The following EPSTI1 variants were observed in gnomAD, a reference collection of about 807,000 sequenced individuals.
The protein encoded by EPSTI1 is epithelial stromal interaction 1.
Under a neutral mutation model 49.9 loss-of-function variants are expected in EPSTI1, and 66 were observed. The observed-to-expected ratio is 1.32, with a 90% CI of 1.08 to 1.62. The LOEUF (loss-of-function observed/expected upper bound fraction) is 1.62, where lower values mean the gene tolerates loss of function less well. EPSTI1 is among the 40% of genes most tolerant of loss of function. The probability of loss-of-function intolerance (pLI) is 0.00; values close to 1 mark genes in which losing one functional copy is unlikely to be tolerated. For synonymous variants in EPSTI1, 137 were observed against 130.7 expected, an observed-to-expected ratio of 1.05 and a Z score of -0.33; for missense variants, 394 against 365.5, an observed-to-expected ratio of 1.08 and a Z score of -0.64.
intron 9 of EPSTI1, among the ~76,000 whole-genome samples, chr13:42,896,873 A>G (rs548336873): frequency 6.6e-6 from 1 of 152,268 alleles, no homozygotes; most frequent in South Asian, 2.1e-4. Context: ...TGGAAGGCTG[A>G]GGCTGGTGCA....
intron 1 of EPSTI1, among the ~76,000 whole-genome samples, chr13:42,989,247 T>A (rs1382955338): frequency 6.6e-6 from 1 of 152,040 alleles, no homozygotes; most frequent in Non-Finnish European, 1.5e-5. Context: ...TTACCAGGAA[T>A]AAAGTTATGT....
chr13:42,942,108 G>C (rs1322032197), intron 6 of EPSTI1, among the ~76,000 whole-genome samples: 1 of 151,986 alleles, frequency 6.6e-6, no homozygotes, highest in East Asian at 1.9e-4. Flanking sequence ...ATCTTTTATT[G>C]TGTTGAATGT....
In EPSTI1 at chr13:42,922,647, C is replaced by G. The variant is rs758686410; in HGVS notation, c.657+3689G>C. Among the ~76,000 whole-genome samples, 1 of 152,170 alleles carries G rather than the reference C, an allele frequency of 6.6e-6. No individual in the cohort carries two copies. Among genetic ancestry groups the G allele is most frequent in the African/African-American group, 2.4e-5 (1 of 41,440 alleles). ...CATTCGTGGTAATTTGTTACAGCAG[C>G]AAAGGGAAGTGTTCAAATGTTGCGG... On this transcript the variant is annotated intron_variant, in intron 7 of 10. Coordinates refer to ENST00000313624, the MANE Select transcript of EPSTI1 (RefSeq NM_033255.5). This position sits in a 1 kb window ranked among gnomAD's most constrained non-coding sequence, Gnocchi z 4.8.
At chr13:42,930,552 C>T (rs2038329558) in intron 6 of EPSTI1, among the ~76,000 whole-genome samples, 1 of 152,150 alleles carries the variant, frequency 6.6e-6, no homozygotes, top group Admixed American at 6.5e-5. Context: ...CAAAACAAAA[C>T]ATGAAAGTGA....
chr13:42,893,129 A>G (rs770233536), intron 10 of EPSTI1, among the ~76,000 whole-genome samples: 13 of 152,338 alleles, frequency 8.5e-5, no homozygotes, highest in East Asian at 1.9e-4. Context: ...TAAAGAAATT[A>G]GAGATAGCAA....
Position 42,886,451 on chromosome 13 carries a change from A to G in EPSTI1, c.*2043T>C, listed in dbSNP as rs1243707020. ...ATTTTATTACACACCTGTATTGCCT[A>G]AAGTTTCTATAACAAACATCTTACA... On this transcript the variant is annotated 3_prime_UTR_variant, in exon 11 of 11. Coordinates refer to ENST00000313624, the MANE Select transcript of EPSTI1 (RefSeq NM_033255.5). 3.3e-5 allele frequency: 5 copies of G among 152,176 alleles called. No homozygotes were observed. The highest frequency in any genetic ancestry group is 1.2e-4 in the African/African-American group (5 of 41,430). The allele number at this position is 152,176 out of a possible 1,614,324, so 9.4% of individuals were successfully genotyped here.
intron 6 of EPSTI1, among the ~76,000 whole-genome samples, chr13:42,947,739 G>T (rs1459687064): frequency 6.6e-6 from 1 of 152,180 alleles, no homozygotes; most frequent in Non-Finnish European, 1.5e-5. Context: ...TCTACACAGG[G>T]CCTGTACATT....
At chr13:42,903,514 T>C (rs1406912980) in intron 8 of EPSTI1, among the ~76,000 whole-genome samples, 2 of 152,182 alleles carry the variant, frequency 1.3e-5, no homozygotes, top group Non-Finnish European at 2.9e-5. Flanking sequence ...TGTTTACCTA[T>C]GTAACAAACC....
In EPSTI1 at chr13:42,954,127, T is replaced by C. The variant is rs139458139; in HGVS notation, c.490-106A>G. On this transcript the variant is annotated intron_variant, in intron 5 of 10. Coordinates refer to ENST00000313624, the MANE Select transcript of EPSTI1 (RefSeq NM_033255.5). Reference sequence around the variant, plus strand: ...AATCCTAAGGTTCAACTGGCCTTGATAGTCTAATACAGTATCCTGCTAGAG... The same window carrying C: ...AATCCTAAGGTTCAACTGGCCTTGACAGTCTAATACAGTATCCTGCTAGAG... 1.7e-3 allele frequency: 1,464 copies of C among 863,408 alleles called. 7 individuals are homozygous for C. The highest frequency in any genetic ancestry group is 2.2e-3 in the Non-Finnish European group (1,244 of 554,466). The allele number at this position is 863,408 out of a possible 1,614,324, so 53.5% of individuals were successfully genotyped here.
intron 10 of EPSTI1, among the ~76,000 whole-genome samples, chr13:42,889,601 G>A (rs1195435063): frequency 6.6e-6 from 1 of 151,992 alleles, no homozygotes; most frequent in Non-Finnish European, 1.5e-5. Flanking sequence ...GTCTTTAAAT[G>A]GTGACATATC....
intron 6 of EPSTI1, among the ~76,000 whole-genome samples, chr13:42,953,255 A>G (rs1203735901): frequency 1.4e-5 from 1 of 73,672 alleles, no homozygotes; most frequent in African/African-American, 4.6e-5. Flanking sequence ...ATTTAAGAAA[A>G]AAAAAAAAAA....
chr13:42,963,975 T>A, intron 4 of EPSTI1, 91 bp downstream of exon 4: 4 of 1,147,494 alleles, frequency 3.5e-6, no homozygotes, highest in Non-Finnish European at 4.9e-6. Flanking sequence ...TTTATACTTT[T>A]GGTAAAGTTA....
At chr13:42,917,714 C>T (rs765330979) in intron 7 of EPSTI1, 90 bp from the exon 8 acceptor site, 22 of 909,294 alleles carry the variant, frequency 2.4e-5, no homozygotes, top group African/African-American at 6.6e-5. Context: ...ACTATAGGCC[C>T]GGTGCTAATA....
chr13:42,894,589 A>C (rs2037131358), intron 10 of EPSTI1, among the ~76,000 whole-genome samples: 1 of 152,094 alleles, frequency 6.6e-6, no homozygotes, highest in South Asian at 2.1e-4. Context: ...ATAGTGAAAA[A>C]TTAACTACTG....
chr13:42,961,496 C>A (rs1029181592), intron 5 of EPSTI1, among the ~76,000 whole-genome samples: 6 of 152,140 alleles, frequency 3.9e-5, no homozygotes, highest in African/African-American at 1.4e-4. Context: ...TCAAGTATAC[C>A]AGTGCTGTCT....
Position 42,922,651 on chromosome 13 carries a change from G to A in EPSTI1, c.657+3685C>T, listed in dbSNP as rs1044813647. 2.0e-5 allele frequency among the ~76,000 whole-genome samples: 3 copies of A among 152,216 alleles called. No individual in the cohort carries two copies. The highest frequency in any genetic ancestry group is 4.4e-5 in the Non-Finnish European group (3 of 68,032). Reference sequence around the variant, plus strand: ...CGTGGTAATTTGTTACAGCAGCAAAGGGAAGTGTTCAAATGTTGCGGTGGA... The same window carrying A: ...CGTGGTAATTTGTTACAGCAGCAAAAGGAAGTGTTCAAATGTTGCGGTGGA... On this transcript the variant is annotated intron_variant, in intron 7 of 10. Transcript: ENST00000313624. The surrounding 1 kb of genome is among the most constrained non-coding windows in gnomAD (Gnocchi z 4.8).
intron 6 of EPSTI1, among the ~76,000 whole-genome samples, chr13:42,946,736 C>G (rs763226524): frequency 2.2e-4 from 34 of 152,188 alleles, no homozygotes; most frequent in Non-Finnish European, 3.7e-4. Context: ...ACAGTGCTCA[C>G]CACCCCTATG....
chr13:42,939,617 ATTTGTGGGCAGGG>A (rs2038686505), intron 6 of EPSTI1, among the ~76,000 whole-genome samples: 1 of 152,166 alleles, frequency 6.6e-6, no homozygotes. Context: ...ATTCACTGTC[ATTTGTGGGCAGGG>A]TTTGTGGGTC....
At chr13:42,905,974 T>C (rs1260006113) in intron 8 of EPSTI1, among the ~76,000 whole-genome samples, 1 of 152,230 alleles carries the variant, frequency 6.6e-6, no homozygotes, top group African/African-American at 2.4e-5. Flanking sequence ...GGTGATATGA[T>C]AAACAAAATA....
Sources: gnomAD v4.1 joint callset for allele counts (sites outside exome capture counted in the v4.1 genomes callset) on GRCh38, gnomAD v4.1.1 for gene constraint, Gnocchi (gnomAD v3.1) non-coding constraint, MANE v1.5 for transcripts, NCBI Gene and HGNC (gene_info 2026-07-23, HGNC 2026-07-21) for gene names.